The following COL24A1 variants were observed in gnomAD, a reference collection of about 807,000 sequenced individuals.
COL24A1 encodes collagen type XXIV alpha 1 chain, also known as collagen alpha-1(XXIV) chain.
In COL24A1, 224 loss-of-function variants were observed where a neutral mutation model predicts 253.9. The observed-to-expected ratio is 0.88, with a 90% CI of 0.79 to 0.99. The LOEUF is 0.99. COL24A1 is among the 50% of genes least tolerant of loss of function. The pLI is 0.00. For missense variants in COL24A1, 2,131 were observed against 2,068.5 expected (o/e 1.03, Z -0.59); for synonymous variants, 685 against 673.7 (o/e 1.02, Z -0.26).
chr1:85,818,997 G>A (rs576097261), intron 45 of COL24A1, among the ~76,000 whole-genome samples: 75 of 152,238 alleles, frequency 4.9e-4, no homozygotes, highest in Non-Finnish European at 9.0e-4. Context: ...ATTTTATGAA[G>A]AAATAGTATA....
At position 86,146,159 on chromosome 1, in the gene COL24A1, T is replaced by C; in HGVS notation, c.81A>G (p.Val27=). 1 of 1,611,070 alleles carries C rather than the reference T, an allele frequency of 6.2e-7. No individual in the cohort carries two copies. The highest frequency in any genetic ancestry group is 8.5e-7 in the Non-Finnish European group (1 of 1,178,652). ...GAACAACCACCCCAGCCACACATAG[T>C]ACAATAAAATGAAGAAGTGATTTCC... is the stretch of plus-strand genomic sequence containing the variant. The part of the protein sequence containing the change: ...AKTKSLLHFI[V]LCVAGVVVHA... The change falls in exon 2 of 60, where the codon GTA becomes GTG. Residue 27 remains valine, a synonymous_variant. Coordinates refer to ENST00000370571, the MANE Select transcript of COL24A1 (RefSeq NM_152890.7).
At chr1:85,784,401 C>G (rs1669458051) in intron 48 of COL24A1, 35 bp from the exon 49 acceptor site, 2 of 1,475,880 alleles carry the variant, frequency 1.4e-6, no homozygotes, top group Non-Finnish European at 1.9e-6. Flanking sequence ...ATCTTTACAT[C>G]AGAACATATA....
intron 2 of COL24A1, among the ~76,000 whole-genome samples, chr1:86,142,111 GA>G (rs1651184820): frequency 6.7e-6 from 1 of 149,880 alleles, no homozygotes; most frequent in Non-Finnish European, 1.5e-5. Flanking sequence ...GAGAGCAGAA[GA>G]AAAGTTGAAA....
intron 39 of COL24A1, among the ~76,000 whole-genome samples, chr1:85,846,237 A>C (rs1347196045): frequency 1.3e-5 from 2 of 151,850 alleles, no homozygotes; most frequent in East Asian, 1.9e-4. Context: ...CCACAAAAAA[A>C]CCAAAAACCT....
chr1:85,743,552 G>A (rs985753927), intron 57 of COL24A1, among the ~76,000 whole-genome samples: 3 of 152,074 alleles, frequency 2.0e-5, no homozygotes, highest in Non-Finnish European at 2.9e-5. Flanking sequence ...AGTATTTGGG[G>A]GGCGTAAAGA....
intron 37 of COL24A1, among the ~76,000 whole-genome samples, chr1:85,858,693 T>TCCCTCCCTC: frequency 6.8e-6 from 1 of 148,068 alleles, no homozygotes; most frequent in Middle Eastern, 3.5e-3. Context: ...CCGTCCTTCT[T>TCCCTCCCTC]CCCTCCCTCC....
intron 20 of COL24A1, among the ~76,000 whole-genome samples, chr1:85,973,509 T>C (rs1018618002): frequency 2.0e-5 from 3 of 152,172 alleles, no homozygotes; most frequent in African/African-American, 7.2e-5. Flanking sequence ...GATAGGCTAA[T>C]AAAAACTTGT....
At chr1:86,021,950 A>G (rs1697576413) in intron 18 of COL24A1, among the ~76,000 whole-genome samples, 2 of 152,164 alleles carry the variant, frequency 1.3e-5, no homozygotes, top group East Asian at 1.9e-4. Flanking sequence ...TCTGGCTTCA[A>G]AGCCTATTGT....
chr1:85,798,373 G>A (rs550105804), intron 47 of COL24A1, among the ~76,000 whole-genome samples: 230 of 152,128 alleles, frequency 1.5e-3, no homozygotes, highest in Middle Eastern at 3.4e-3. Flanking sequence ...CAAAACAAGC[G>A]GCGGGGTTGG....
At chr1:86,104,724 C>T (rs1432884756) in intron 5 of COL24A1, among the ~76,000 whole-genome samples, 1 of 152,174 alleles carries the variant, frequency 6.6e-6, no homozygotes, top group Non-Finnish European at 1.5e-5. Context: ...TGTTCTCTGG[C>T]CCTTCAAGGT....
chr1:86,124,787 A>AAG (rs762241116), intron 3 of COL24A1, 58 bp downstream of exon 3: 2 of 1,321,602 alleles, frequency 1.5e-6, no homozygotes, highest in Non-Finnish European at 2.0e-6. Context: ...ATGTATTTTA[A>AAG]AGAGAGTTTA....
intron 55 of COL24A1, among the ~76,000 whole-genome samples, chr1:85,760,463 G>T (rs749102754): frequency 4.3e-4 from 66 of 152,234 alleles, no homozygotes; most frequent in Admixed American, 1.4e-3. Context: ...TTTTCAAGGG[G>T]ATAGTCTTCC....
intron 20 of COL24A1, among the ~76,000 whole-genome samples, chr1:85,974,912 G>T (rs1045127563): frequency 6.6e-6 from 1 of 152,082 alleles, no homozygotes; most frequent in Non-Finnish European, 1.5e-5. Flanking sequence ...ATGATACATA[G>T]AATATAACAG....
chr1:85,843,849 G>GC (rs1480462970), intron 39 of COL24A1, among the ~76,000 whole-genome samples: 1 of 151,922 alleles, frequency 6.6e-6, no homozygotes, highest in Non-Finnish European at 1.5e-5. Context: ...TGACTCTAGA[G>GC]CCAACATAAC....
intron 47 of COL24A1, among the ~76,000 whole-genome samples, chr1:85,812,636 T>A (rs575232680): frequency 6.6e-6 from 1 of 152,278 alleles, no homozygotes; most frequent in African/African-American, 2.4e-5. Context: ...GAAGATAAAT[T>A]TAGATGAACT....
At chr1:86,031,093 T>C (rs1426594413) in intron 14 of COL24A1, among the ~76,000 whole-genome samples, 1 of 152,174 alleles carries the variant, frequency 6.6e-6, no homozygotes, top group Non-Finnish European at 1.5e-5. Flanking sequence ...ATGTGGTACA[T>C]ACACACAATA....
intron 18 of COL24A1, 97 bp downstream of exon 18, chr1:86,022,143 A>G (rs1697595900): frequency 1.9e-6 from 2 of 1,038,938 alleles, no homozygotes; most frequent in Admixed American, 3.5e-5. Flanking sequence ...ACAAATGCTC[A>G]GTAGGCTTAT....
At chr1:86,076,888 T>A (rs886574865) in intron 7 of COL24A1, among the ~76,000 whole-genome samples, 2 of 152,078 alleles carry the variant, frequency 1.3e-5, no homozygotes, top group African/African-American at 4.8e-5. Context: ...ACCATAAAAG[T>A]CCTAGAAGAA....
chr1:85,769,291 TAAC>T (rs536579988), intron 53 of COL24A1, among the ~76,000 whole-genome samples: 92 of 152,212 alleles, frequency 6.0e-4, no homozygotes, highest in Non-Finnish European at 1.1e-3. Context: ...AAAAATATAA[TAAC>T]AACAAAAAAC....
Sources: gnomAD v4.1 joint callset for allele counts (sites outside exome capture counted in the v4.1 genomes callset) on GRCh38, gnomAD v4.1.1 for gene constraint, MANE v1.5 for transcripts, NCBI Gene and HGNC (gene_info 2026-07-23, HGNC 2026-07-21) for gene names.